Variants in NFATC1 observed in about 807,000 individuals in gnomAD.
NFATC1 encodes nuclear factor of activated T-cells, cytoplasmic 1.
NFATC1 carries 22 observed loss-of-function variants against 76.0 expected under a neutral mutation model. That is an observed-to-expected ratio of 0.29 (90% confidence interval 0.21 to 0.41). The LOEUF is 0.41. Ranked by LOEUF, NFATC1 falls within the 10% of genes least tolerant of loss-of-function variation. NFATC1 has a pLI of 1.00. For missense variants in NFATC1, 1,357 were observed against 1,337.7 expected, an observed-to-expected ratio of 1.01 and a Z score of -0.23; for synonymous variants, 704 against 613.1, an observed-to-expected ratio of 1.15 and a Z score of -2.19.
intron 1 of NFATC1, among the ~76,000 whole-genome samples, chr18:79,403,684 G>A (rs913040852): frequency 2.0e-5 from 3 of 152,280 alleles, no homozygotes; most frequent in Non-Finnish European, 4.4e-5. Context: ...GCCCGGGTCT[G>A]CCACTGGCCT....
intron 9 of NFATC1, among the ~76,000 whole-genome samples, chr18:79,521,928 G>C (rs1300119590): frequency 2.0e-4 from 25 of 122,490 alleles, no homozygotes; most frequent in African/African-American, 6.8e-4. Context: ...GGGGGCGTCT[G>C]CTGATGTGTG....
chr18:79,451,858 C>T (rs1490335297), intron 6 of NFATC1, 42 bp downstream of exon 6: 4 of 1,571,308 alleles, frequency 2.5e-6, no homozygotes, highest in South Asian at 2.4e-5. Context: ...TGGGCTTCGG[C>T]GCTGGTGGGA....
At chr18:79,444,443 G>T (rs1044255930) in intron 3 of NFATC1, among the ~76,000 whole-genome samples, 1 of 109,930 alleles carries the variant, frequency 9.1e-6, no homozygotes, top group Non-Finnish European at 1.8e-5. Flanking sequence ...CCGAGCCCAC[G>T]CTGCTCTGGA....
chr18:79,455,201 C>T (rs533379093), intron 6 of NFATC1, among the ~76,000 whole-genome samples: 11 of 152,334 alleles, frequency 7.2e-5, no homozygotes, highest in Admixed American at 3.9e-4. Context: ...AAAACATCAG[C>T]GAAGCCTGTT....
chr18:79,407,935 C>T (rs2085498922), intron 1 of NFATC1, among the ~76,000 whole-genome samples: 1 of 152,174 alleles, frequency 6.6e-6, no homozygotes, highest in Admixed American at 6.5e-5. Flanking sequence ...TCTCACCTCC[C>T]ACCCCTGAGA....
intron 3 of NFATC1, among the ~76,000 whole-genome samples, chr18:79,447,527 C>T (rs192924843): frequency 8.5e-5 from 13 of 152,342 alleles, no homozygotes; most frequent in Non-Finnish European, 1.6e-4. Context: ...GAGTGGTTCC[C>T]GGGGCTGGGC....
At chr18:79,418,586 T>C (rs980622270) in intron 2 of NFATC1, among the ~76,000 whole-genome samples, 1 of 152,224 alleles carries the variant, frequency 6.6e-6, no homozygotes, top group Non-Finnish European at 1.5e-5. Context: ...GTGGTGTCCT[T>C]GGAGCCACAG....
At chr18:79,474,034 G>A (rs1414410916) in intron 8 of NFATC1, among the ~76,000 whole-genome samples, 4 of 143,692 alleles carry the variant, frequency 2.8e-5, no homozygotes, top group South Asian at 2.2e-4. Flanking sequence ...TGAGGGAAGC[G>A]TGTTCTCACG....
chr18:79,464,599 G>A (rs931189896), intron 7 of NFATC1, among the ~76,000 whole-genome samples: 2 of 120,622 alleles, frequency 1.7e-5, no homozygotes, highest in Admixed American at 1.6e-4. Context: ...GGATGTTCAC[G>A]CAGACACACA....
Position 79,527,505 on chromosome 18 carries a change from T to C in NFATC1, c.2783-23T>C, listed in dbSNP as rs112016900. On this transcript the variant is annotated intron_variant, in intron 9 of 9. Transcript: ENST00000427363. ...TGTTTATGGTATTTCTCTAATACTT[T>C]CTCAATTTTTCTTTTCTTACAGTAA... 1.3e-3 allele frequency: 2,082 copies of C among 1,604,554 alleles called. 22 individuals are homozygous for C. In the African/African-American group the frequency reaches 0.025, roughly 19 times the overall value.
intron 3 of NFATC1, 60 bp downstream of exon 3, chr18:79,433,798 T>G: frequency 1.3e-6 from 2 of 1,569,656 alleles, no homozygotes. Context: ...AAAGTAACTT[T>G]GGAGCCACAG....
At chr18:79,466,748 TCTGA>T (rs1295623953) in intron 7 of NFATC1, among the ~76,000 whole-genome samples, 5 of 151,998 alleles carry the variant, frequency 3.3e-5, no homozygotes, top group African/African-American at 4.8e-5. Context: ...GAATTTGGGG[TCTGA>T]CTGAGGGCCT....
At chr18:79,456,786 C>T (rs929980390) in intron 6 of NFATC1, among the ~76,000 whole-genome samples, 1 of 152,084 alleles carries the variant, frequency 6.6e-6, no homozygotes, top group Non-Finnish European at 1.5e-5. Flanking sequence ...GAGATGGACC[C>T]GGGGGATGGC....
chr18:79,487,153 G>A (rs1181265631), intron 9 of NFATC1, among the ~76,000 whole-genome samples: 3 of 152,234 alleles, frequency 2.0e-5, no homozygotes, highest in East Asian at 1.9e-4. Flanking sequence ...TCCGGTGGTC[G>A]CAGTGTGGGG....
Position 79,411,409 on chromosome 18 carries a change from G to A in NFATC1, c.1134G>A (p.Arg378=). 1 of 1,560,580 alleles carries A rather than the reference G, an allele frequency of 6.4e-7. No homozygotes were observed. Among genetic ancestry groups the A allele is most frequent in the South Asian group, 1.2e-5 (1 of 82,328 alleles). The change falls in exon 2 of 10, where the codon AGG becomes AGA. Residue 378 remains arginine, a synonymous_variant. Coordinates refer to ENST00000427363, the MANE Select transcript of NFATC1 (RefSeq NM_001278669.2). ...PEDYSSFQHI[R]KGGFCDQYLA... is the part of the protein sequence containing the mutation. ...ACTACTCCTCTTTCCAGCACATCAG[G>A]AAGGGCGGCTTCTGCGACCAGTACC...
chr18:79,435,759 T>C (rs553067815), intron 3 of NFATC1, among the ~76,000 whole-genome samples: 3 of 152,334 alleles, frequency 2.0e-5, no homozygotes, highest in African/African-American at 7.2e-5. Flanking sequence ...CTTTAAAATG[T>C]ACCCTCAACA....
At chr18:79,413,834 G>A (rs528845047) in intron 2 of NFATC1, among the ~76,000 whole-genome samples, 1 of 152,292 alleles carries the variant, frequency 6.6e-6, no homozygotes, top group East Asian at 1.9e-4. Flanking sequence ...GAAAGCATGG[G>A]TGGCTGTTTA....
chr18:79,458,513 C>T (rs1259413703), intron 6 of NFATC1, among the ~76,000 whole-genome samples: 3 of 152,218 alleles, frequency 2.0e-5, no homozygotes, highest in African/African-American at 7.2e-5. Flanking sequence ...TGGGAGGCTC[C>T]TGGGCCCGCA....
At chr18:79,482,459 A>C (rs1431160031) in intron 8 of NFATC1, among the ~76,000 whole-genome samples, 1 of 131,102 alleles carries the variant, frequency 7.6e-6, no homozygotes, top group Non-Finnish European at 1.6e-5. Flanking sequence ...TTCCAGCGTG[A>C]CCTGGTTCCT....
Sources: gnomAD v4.1 joint callset for allele counts (sites outside exome capture counted in the v4.1 genomes callset) on GRCh38, gnomAD v4.1.1 for gene constraint, MANE v1.5 for transcripts, NCBI Gene and HGNC (gene_info 2026-07-23, HGNC 2026-07-21) for gene names.